BNC2: variants seen among roughly 807,000 people sequenced by gnomAD.
BNC2 encodes the protein zinc finger protein basonuclin-2.
A neutral mutation model predicts 76.3 loss-of-function variants in BNC2; 20 were observed. The observed-to-expected ratio is 0.26, with a 90% confidence interval of 0.18 to 0.38. BNC2 has a LOEUF of 0.38. Among genes scored for constraint, BNC2 ranks in the 10% least tolerant of loss-of-function variants. BNC2 has a pLI of 1.00. For synonymous variants in BNC2, 582 were observed against 514.8 expected (o/e 1.13, Z -1.77); for missense variants, 1,382 against 1,399.8 (o/e 0.99, Z 0.20).
chr9:16,656,384 T>C (rs1821930577), intron 3 of BNC2, among the ~76,000 whole-genome samples: 1 of 152,056 alleles, frequency 6.6e-6, no homozygotes, highest in South Asian at 2.1e-4. Context: ...GGAGAACTGA[T>C]GGTAGGATTC....
chr9:16,494,584 G>A (rs1018347980), intron 5 of BNC2, among the ~76,000 whole-genome samples: 1 of 152,202 alleles, frequency 6.6e-6, no homozygotes, highest in East Asian at 1.9e-4. Context: ...GTCAAGGTCT[G>A]AGATGTGAAG....
At chr9:16,627,916 C>G (rs1462943733) in intron 3 of BNC2, among the ~76,000 whole-genome samples, 1 of 152,028 alleles carries the variant, frequency 6.6e-6, no homozygotes, top group Non-Finnish European at 1.5e-5. Context: ...ACTGAATGAC[C>G]TCAACTGAGG....
intron 1 of BNC2, among the ~76,000 whole-genome samples, chr9:16,811,629 C>G (rs2135855185): frequency 6.7e-6 from 1 of 149,682 alleles, no homozygotes; most frequent in South Asian, 2.1e-4. Flanking sequence ...ACTGACTATT[C>G]AGTACATATG....
chr9:16,561,549 G>T (rs10962487), intron 4 of BNC2, among the ~76,000 whole-genome samples: 13,591 of 143,150 alleles, frequency 0.095, 853 homozygotes, highest in Non-Finnish European at 0.15. Flanking sequence ...TTGAGAATGG[G>T]CCTCCAAGTA....
intron 2 of BNC2, among the ~76,000 whole-genome samples, chr9:16,734,539 C>T (rs1174890595): frequency 6.6e-6 from 1 of 152,196 alleles, no homozygotes; most frequent in Non-Finnish European, 1.5e-5. Context: ...CTTGACTGGG[C>T]ATTTCAACAT....
intron 1 of BNC2, chr9:16,867,763 T>G (rs1479732380): frequency 7.8e-6 from 1 of 128,862 alleles, no homozygotes; most frequent in Non-Finnish European, 1.6e-5. Context: ...ATTATCCAAC[T>G]TAAGTTGCTC....
intron 6 of BNC2, among the ~76,000 whole-genome samples, chr9:16,433,302 T>G (rs1480054283): frequency 2.0e-5 from 3 of 152,374 alleles, no homozygotes; most frequent in South Asian, 4.1e-4. Context: ...CTACAATGTT[T>G]GCAATTTGCT....
chr9:16,782,123 A>T (rs1405327738), intron 1 of BNC2, among the ~76,000 whole-genome samples: 1 of 151,922 alleles, frequency 6.6e-6, no homozygotes, highest in Non-Finnish European at 1.5e-5. Flanking sequence ...CATCTCTACT[A>T]AAAATACAAA....
Position 16,418,697 on chromosome 9 carries a change from CATGT to C in BNC2, c.*288_*291del, listed in dbSNP as rs1303024031. Reference sequence around the variant, plus strand: ...GTGTGTGTGTGTGTGTGTGTATGTGCATGTGTGTGTGTGTGTGTTTAAAGGGGTA... The same window carrying C: ...GTGTGTGTGTGTGTGTGTGTATGTGCGTGTGTGTGTGTGTTTAAAGGGGTA... On this transcript the variant is annotated 3_prime_UTR_variant, in exon 7 of 7. Coordinates refer to ENST00000380672, the MANE Select transcript of BNC2 (RefSeq NM_017637.6). The C allele has an allele frequency of 7.1e-5, 23 of 323,154 alleles. No individual in the cohort carries two copies. Among genetic ancestry groups the C allele is most frequent in the African/African-American group, 4.9e-4 (18 of 36,720 alleles). 20.0% of individuals were successfully genotyped at this position (323,154 alleles called of 1,614,324 possible).
At chr9:16,800,760 A>G (rs1817761387) in intron 1 of BNC2, among the ~76,000 whole-genome samples, 1 of 152,180 alleles carries the variant, frequency 6.6e-6, no homozygotes, top group African/African-American at 2.4e-5. Flanking sequence ...CACTGCCAAC[A>G]TCAACATCTG....
chr9:16,657,440 C>T (rs1381086785), intron 3 of BNC2, among the ~76,000 whole-genome samples: 1 of 152,194 alleles, frequency 6.6e-6, no homozygotes, highest in Non-Finnish European at 1.5e-5. Context: ...GAGGTCAGCG[C>T]TCCAGAGCTG....
chr9:16,678,208 C>G (rs558618386), intron 3 of BNC2, among the ~76,000 whole-genome samples: 2 of 149,598 alleles, frequency 1.3e-5, no homozygotes, highest in South Asian at 4.3e-4. Context: ...AGCAAAACAA[C>G]TCTTGTCCAA....
chr9:16,424,394 G>A (rs1368767964), intron 6 of BNC2, among the ~76,000 whole-genome samples: 2 of 152,052 alleles, frequency 1.3e-5, no homozygotes, highest in South Asian at 2.1e-4. Flanking sequence ...GAGACATTCT[G>A]AACTTGGTGA....
intron 1 of BNC2, among the ~76,000 whole-genome samples, chr9:16,786,482 C>A (rs1425965592): frequency 6.6e-6 from 1 of 152,158 alleles, no homozygotes; most frequent in African/African-American, 2.4e-5. Context: ...ACACACGAGA[C>A]TTTAAGAGAA....
At chr9:16,854,620 A>C (rs1819207977) in intron 1 of BNC2, among the ~76,000 whole-genome samples, 1 of 152,130 alleles carries the variant, frequency 6.6e-6, no homozygotes, top group Non-Finnish European at 1.5e-5. Context: ...TGTGTAAGGC[A>C]GTAGCATGAG....
At chr9:16,556,824 A>G (rs1818849540) in intron 4 of BNC2, among the ~76,000 whole-genome samples, 2 of 152,132 alleles carry the variant, frequency 1.3e-5, no homozygotes, top group Admixed American at 1.3e-4. Flanking sequence ...ACATATCATC[A>G]AAGATTATGA....
chr9:16,657,480 T>C (rs1821963274), intron 3 of BNC2, among the ~76,000 whole-genome samples: 1 of 152,166 alleles, frequency 6.6e-6, no homozygotes, highest in Admixed American at 6.5e-5. Flanking sequence ...AAACAGAAGC[T>C]AGACTGTGGG....
chr9:16,751,266 TA>T (rs34351017), intron 1 of BNC2, among the ~76,000 whole-genome samples: 139 of 145,686 alleles, frequency 9.5e-4, no homozygotes, highest in East Asian at 3.5e-3. Flanking sequence ...GAAAATGGTT[TA>T]AAAAAAAAAA....
intron 4 of BNC2, among the ~76,000 whole-genome samples, chr9:16,581,998 A>G (rs1010439262): frequency 6.6e-6 from 1 of 152,118 alleles, no homozygotes; most frequent in Non-Finnish European, 1.5e-5. Flanking sequence ...ATGATAAATT[A>G]AAAGCATTTC....
Sources: allele counts gnomAD v4.1 joint callset (sites outside exome capture counted in the v4.1 genomes callset), GRCh38; gene constraint gnomAD v4.1.1; transcripts MANE v1.5; gene names NCBI Gene and HGNC (gene_info 2026-07-23, HGNC 2026-07-21).